The following STAB2 variants were observed in gnomAD, a reference collection of about 807,000 sequenced individuals.
STAB2 encodes the protein stabilin 2.
In STAB2, 288 loss-of-function variants were observed where a neutral mutation model predicts 338.1. The ratio of observed to expected loss-of-function variants is 0.85; its 90% CI spans 0.77 to 0.94. STAB2 has a LOEUF of 0.94. Ranked by LOEUF, STAB2 falls within the 40% of genes least tolerant of loss-of-function variation. STAB2 has a pLI of 0.00. For synonymous variants in STAB2, 1,202 were observed against 1,193.3 expected, an observed-to-expected ratio of 1.01 and a Z score of -0.15; for missense variants, 3,141 against 3,210.1, an observed-to-expected ratio of 0.98 and a Z score of 0.52.
At position 103,660,288 on chromosome 12, in the gene STAB2, G is replaced by A. The variant is rs377249394; in HGVS notation, c.1735-43G>A. ...AGGATTCCACAAGAGTGGAAGTGTT[G>A]CATTTTCTTCTTTGACTAAAGAAGT... On this transcript the variant is annotated intron_variant, in intron 15 of 68. Transcript: ENST00000388887. 61 of 1,590,338 alleles carry A rather than the reference G, an allele frequency of 3.8e-5. No individual in the cohort carries two copies. In the African/African-American group the frequency reaches 5.9e-4, roughly 15 times the overall value.
At position 103,687,744 on chromosome 12, in the gene STAB2, T is replaced by A. The variant is rs113372659; in HGVS notation, c.2998-424T>A. Among the ~76,000 whole-genome samples the A allele has an allele frequency of 7.6e-3, 1,153 of 152,246 alleles. 5 individuals carry two copies. The highest frequency in any genetic ancestry group is 0.026 in the African/African-American group (1,085 of 41,532). On this transcript the variant is annotated intron_variant, in intron 27 of 68. Transcript: ENST00000388887. ...GAACTAGGAAATGGCAGAACCAACA[T>A]GAAAACCCATGTGGTTTGCTTCCAT...
chr12:103,610,244 A>G (rs1957100768), intron 3 of STAB2, among the ~76,000 whole-genome samples: 1 of 152,144 alleles, frequency 6.6e-6, no homozygotes, highest in South Asian at 2.1e-4. Context: ...ATTGATTGGA[A>G]TAGTTTCAGA....
chr12:103,676,124 C>G, intron 24 of STAB2, 103 bp downstream of exon 24: 2 of 783,828 alleles, frequency 2.6e-6, no homozygotes, highest in Non-Finnish European at 3.7e-6. Context: ...TGCAATGGCA[C>G]AATCTTGGCT....
chr12:103,741,181 G>A (rs925291689), intron 55 of STAB2, among the ~76,000 whole-genome samples: 8 of 152,272 alleles, frequency 5.3e-5, no homozygotes, highest in African/African-American at 1.7e-4. Context: ...GTCCCTGGTA[G>A]AGGATGTATA....
chr12:103,624,034 G>A (rs916886199), intron 5 of STAB2, among the ~76,000 whole-genome samples: 2 of 152,206 alleles, frequency 1.3e-5, no homozygotes, highest in Non-Finnish European at 2.9e-5. Flanking sequence ...CTTGGGCCCT[G>A]ACTTTCGTGG....
intron 2 of STAB2, among the ~76,000 whole-genome samples, chr12:103,594,162 T>TTTAGATA (rs770865228): frequency 6.6e-6 from 1 of 152,220 alleles, no homozygotes; most frequent in Non-Finnish European, 1.5e-5. Context: ...CTGATATCAC[T>TTTAGATA]TTAGATATTT....
intron 37 of STAB2, 120 bp downstream of exon 37, chr12:103,705,847 C>T (rs903519861): frequency 2.3e-5 from 20 of 883,194 alleles, no homozygotes; most frequent in Non-Finnish European, 3.6e-5. Flanking sequence ...TTCCTTGTTA[C>T]CTGCATTATC....
chr12:103,633,500 T>C (rs772636955), intron 6 of STAB2, among the ~76,000 whole-genome samples: 11 of 152,134 alleles, frequency 7.2e-5, no homozygotes, highest in Non-Finnish European at 1.2e-4. Context: ...CTGGCCAACA[T>C]GGTGAAACCC....
chr12:103,595,188 A>T (rs1033801340), intron 3 of STAB2, among the ~76,000 whole-genome samples: 13 of 152,164 alleles, frequency 8.5e-5, no homozygotes, highest in Non-Finnish European at 1.6e-4. Flanking sequence ...TGACTGAGTC[A>T]TTTCTACCTG....
chr12:103,750,522 G>A, intron 59 of STAB2, 57 bp from the exon 60 acceptor site: 1 of 1,597,108 alleles, frequency 6.3e-7, no homozygotes, highest in South Asian at 1.1e-5. Flanking sequence ...GGGCACTTGG[G>A]CATCCTGGGG....
chr12:103,679,924 A>G (rs1876744224), intron 25 of STAB2, among the ~76,000 whole-genome samples: 2 of 152,246 alleles, frequency 1.3e-5, no homozygotes, highest in South Asian at 4.1e-4. Flanking sequence ...GTATATGTAT[A>G]CAATGGAATA....
chr12:103,677,721 G>T lies in STAB2; in HGVS notation c.2805+110G>T, dbSNP rs185720084. ...CTAGAACTTACTGCAGCTTTTTTCAGTCATTCGTGGCAGTGAACATGGGTT... is the reference window on the plus strand; with the variant it reads ...CTAGAACTTACTGCAGCTTTTTTCATTCATTCGTGGCAGTGAACATGGGTT... On this transcript the variant is annotated intron_variant, in intron 25 of 68. Transcript: ENST00000388887. The T allele has an allele frequency of 2.3e-4, 316 of 1,374,050 alleles. No homozygotes were observed. The African/African-American group carries it at 3.9e-3, about 17-fold the overall frequency. The allele number at this position is 1,374,050 out of a possible 1,614,324, so 85.1% of individuals were successfully genotyped here. A position where few individuals can be genotyped will look rare whatever the true frequency, so the allele number is the denominator to read the frequency against.
At chr12:103,607,855 A>G (rs1486455019) in intron 3 of STAB2, among the ~76,000 whole-genome samples, 2 of 152,194 alleles carry the variant, frequency 1.3e-5, no homozygotes, top group South Asian at 4.1e-4. Flanking sequence ...ATACGTGTGC[A>G]TGTGTCTTTA....
At chr12:103,757,810 T>G in intron 63 of STAB2, 1 of 244,874 alleles carries the variant, frequency 4.1e-6, no homozygotes, top group Non-Finnish European at 8.2e-6. Flanking sequence ...AGCAGCCACA[T>G]GCTTTGGGCC....
intron 55 of STAB2, among the ~76,000 whole-genome samples, chr12:103,741,163 G>A (rs529876463): frequency 5.6e-4 from 85 of 152,184 alleles, no homozygotes; most frequent in Middle Eastern, 6.8e-3. Context: ...TTTCCTGAGC[G>A]CACCCCTGTC....
chr12:103,721,739 C>T (rs932030575), intron 44 of STAB2, among the ~76,000 whole-genome samples: 1 of 152,154 alleles, frequency 6.6e-6, no homozygotes, highest in Non-Finnish European at 1.5e-5. Context: ...CCTATAATCC[C>T]AGCACTTTGG....
chr12:103,669,309 G>A (rs1875488480), intron 20 of STAB2: 2 of 468,738 alleles, frequency 4.3e-6, no homozygotes, highest in African/African-American at 2.0e-5. Flanking sequence ...GCCTTCCTCT[G>A]TCTGTTCGCA....
At chr12:103,688,353 C>T (rs1055855711) in intron 28 of STAB2, 138 bp downstream of exon 28, 20 of 808,576 alleles carry the variant, frequency 2.5e-5, no homozygotes, top group African/African-American at 2.2e-4. Context: ...ACGCTGGCTG[C>T]ACTGTGGAAC....
intron 3 of STAB2, among the ~76,000 whole-genome samples, chr12:103,603,360 G>A (rs981590823): frequency 1.3e-5 from 2 of 152,136 alleles, no homozygotes; most frequent in African/African-American, 2.4e-5. Context: ...GTGAGCCACC[G>A]CACCGGCCTA....
Sources: gnomAD v4.1 joint callset for allele counts (sites outside exome capture counted in the v4.1 genomes callset) on GRCh38, gnomAD v4.1.1 for gene constraint, MANE v1.5 for transcripts, NCBI Gene and HGNC (gene_info 2026-07-23, HGNC 2026-07-21) for gene names.